Variants in NTM observed in about 807,000 individuals in gnomAD.
NTM encodes the protein neurotrimin.
Under a neutral mutation model 42.1 loss-of-function variants are expected in NTM, and 13 were observed. That is an observed-to-expected ratio of 0.31 (90% CI 0.20 to 0.49). NTM has a LOEUF of 0.49. NTM is among the 20% of genes least tolerant of loss of function. The pLI, the probability that NTM is intolerant of heterozygous loss-of-function variation, is 0.99. For missense variants in NTM, 373 were observed against 452.8 expected, an observed-to-expected ratio of 0.82 and a Z score of 1.60; for synonymous variants, 187 against 179.2, an observed-to-expected ratio of 1.04 and a Z score of -0.35.
rs7940659 is a variant in NTM at position 131,793,923 on chromosome 11, C to A, written c.83-117641C>A. Among the ~76,000 whole-genome samples the A allele has an allele frequency of 2.3e-3, 347 of 152,174 alleles. 2 individuals carry two copies. The highest frequency in any genetic ancestry group is 7.4e-3 in the African/African-American group (306 of 41,486). The stretch of plus-strand genomic sequence containing the variant: ...AGATTGGAAGGTTCTGACCATGGAA[C>A]CACAAGAACGACTAGAGTGCTGGAG... On this transcript the variant is annotated intron_variant, in intron 1 of 8. Coordinates refer to ENST00000683400, the MANE Select transcript of NTM (RefSeq NM_001352005.2).
chr11:131,600,535 A>G (rs1387473393), intron 1 of NTM, among the ~76,000 whole-genome samples: 2 of 152,204 alleles, frequency 1.3e-5, no homozygotes, highest in African/African-American at 4.8e-5. Flanking sequence ...TAAGCCTTTT[A>G]AAAAACAAAA....
intron 1 of NTM, among the ~76,000 whole-genome samples, chr11:131,439,432 G>A (rs751017579): frequency 2.0e-5 from 3 of 152,234 alleles, no homozygotes; most frequent in Non-Finnish European, 4.4e-5. Flanking sequence ...TACAGAGGCA[G>A]TTGGTCTTTC....
At chr11:131,847,017 A>G (rs2044991259) in intron 1 of NTM, among the ~76,000 whole-genome samples, 1 of 152,224 alleles carries the variant, frequency 6.6e-6, no homozygotes, top group South Asian at 2.1e-4. Flanking sequence ...GCTATAAAGT[A>G]GGAACTTGAT....
chr11:132,241,929 C>T (rs1037034715), intron 4 of NTM, among the ~76,000 whole-genome samples: 4 of 152,118 alleles, frequency 2.6e-5, no homozygotes, highest in African/African-American at 9.7e-5. Flanking sequence ...TTGTGATGGT[C>T]GCAGTATGTG....
At chr11:131,654,018 C>T (rs1036896634) in intron 1 of NTM, among the ~76,000 whole-genome samples, 9 of 152,250 alleles carry the variant, frequency 5.9e-5, no homozygotes, top group South Asian at 4.1e-4. Flanking sequence ...CTTCCCTGCC[C>T]GTCAGATGGA....
In NTM at chr11:131,370,667, C is replaced by G. The variant is rs1046191171; in HGVS notation, c.-140C>G. 10 of 682,068 alleles carry G rather than the reference C, an allele frequency of 1.5e-5. No individual in the cohort carries two copies. In the African/African-American group the frequency reaches 1.8e-4, roughly 12 times the overall value. 42.3% of individuals were successfully genotyped at this position (682,068 alleles called of 1,614,324 possible). ...AAGTCATACTCTCTCACACCCTCGG[C>G]TTTCTTGTTGTGTCCTTCAGCAAAA... On this transcript the variant is annotated 5_prime_UTR_variant, in exon 1 of 9. Coordinates refer to ENST00000683400, the MANE Select transcript of NTM (RefSeq NM_001352005.2).
rs541346080 is a variant in NTM, at chr11:132,208,842, G to A, written c.401-3180G>A. Among the ~76,000 whole-genome samples, 79 of 152,266 alleles carry A rather than the reference G, an allele frequency of 5.2e-4. 1 individual carries two copies. The highest frequency in any genetic ancestry group is 1.9e-3 in the South Asian group (9 of 4,822). Reference sequence around the variant, plus strand: ...TTATTTTATTGCATGGCATTGGCGTGACATAATCCCTTGCAGAGCATCTCG... The same window carrying A: ...TTATTTTATTGCATGGCATTGGCGTAACATAATCCCTTGCAGAGCATCTCG... On this transcript the variant is annotated intron_variant, in intron 3 of 8. Coordinates refer to ENST00000683400, the MANE Select transcript of NTM (RefSeq NM_001352005.2).
intron 1 of NTM, among the ~76,000 whole-genome samples, chr11:131,499,368 T>G (rs1386546218): frequency 6.6e-6 from 1 of 152,082 alleles, no homozygotes; most frequent in African/African-American, 2.4e-5. Context: ...GAGAGGATGT[T>G]GCAACAGGAA....
At chr11:132,166,234 T>A (rs2075259999) in intron 3 of NTM, among the ~76,000 whole-genome samples, 1 of 152,188 alleles carries the variant, frequency 6.6e-6, no homozygotes, top group East Asian at 1.9e-4. Flanking sequence ...AATCACTTAG[T>A]TCCAGGTGTC....
At chr11:132,191,802 A>G (rs2079367636) in intron 3 of NTM, among the ~76,000 whole-genome samples, 1 of 152,214 alleles carries the variant, frequency 6.6e-6, no homozygotes, top group Admixed American at 6.5e-5. Flanking sequence ...TTGAAAGATG[A>G]CATGACCATT....
chr11:131,407,912 A>T (rs1945977432), intron 1 of NTM, among the ~76,000 whole-genome samples: 1 of 152,222 alleles, frequency 6.6e-6, no homozygotes, highest in Non-Finnish European at 1.5e-5. Flanking sequence ...GTGGTGCTAA[A>T]TTGTCAGGAT....
chr11:131,681,315 C>G (rs1200633724), intron 1 of NTM, among the ~76,000 whole-genome samples: 1 of 9,512 alleles, frequency 1.1e-4, no homozygotes, highest in Non-Finnish European at 2.8e-4. Context: ...GTCTGTATGT[C>G]TGTGTGTGTG....
chr11:131,854,350 A>G (rs755565424), intron 1 of NTM, among the ~76,000 whole-genome samples: 53 of 152,256 alleles, frequency 3.5e-4, no homozygotes, highest in Non-Finnish European at 5.3e-4. Context: ...GTTTTTAAAA[A>G]GGAAAACTTC....
chr11:131,377,139 T>G (rs548859321), intron 1 of NTM, among the ~76,000 whole-genome samples: 5 of 152,262 alleles, frequency 3.3e-5, no homozygotes, highest in Middle Eastern at 6.8e-3. Flanking sequence ...ATCCTTGTTT[T>G]GAGACAGGGG....
At chr11:131,448,190 C>T (rs376715935) in intron 1 of NTM, among the ~76,000 whole-genome samples, 276 of 152,342 alleles carry the variant, frequency 1.8e-3, no homozygotes, top group African/African-American at 5.7e-3. Context: ...GACTGTCCTG[C>T]GCTGAAGCCG....
At chr11:131,394,283 C>T (rs766816741) in intron 1 of NTM, among the ~76,000 whole-genome samples, 3 of 152,220 alleles carry the variant, frequency 2.0e-5, no homozygotes, top group Non-Finnish European at 4.4e-5. Flanking sequence ...TTCTTCATCT[C>T]TTCTTCCCCA....
chr11:132,133,091 A>G (rs963992281), intron 2 of NTM, among the ~76,000 whole-genome samples: 11 of 152,252 alleles, frequency 7.2e-5, no homozygotes, highest in Non-Finnish European at 1.5e-4. Context: ...CCTTAGGCTT[A>G]TGAAAGAAAG....
intron 1 of NTM, among the ~76,000 whole-genome samples, chr11:131,805,319 T>C (rs80131561): frequency 0.016 from 2,371 of 152,272 alleles, 45 homozygotes; most frequent in African/African-American, 0.053. Context: ...TTCCTCTCTA[T>C]TATGGATTCA....
At chr11:131,899,511 G>C (rs1022579150) in intron 1 of NTM, among the ~76,000 whole-genome samples, 1 of 152,128 alleles carries the variant, frequency 6.6e-6, no homozygotes, top group African/African-American at 2.4e-5. Context: ...GGGTAGATGG[G>C]ACCATGACAT....
Sources: allele counts gnomAD v4.1 joint callset (sites outside exome capture counted in the v4.1 genomes callset), GRCh38; gene constraint gnomAD v4.1.1; transcripts MANE v1.5; gene names NCBI Gene and HGNC (gene_info 2026-07-23, HGNC 2026-07-21).